SIRPG: variants seen among roughly 807,000 people sequenced by gnomAD.
The protein encoded by SIRPG is signal regulatory protein gamma, also known as signal-regulatory protein gamma.
SIRPG carries 38 observed loss-of-function variants against 35.7 expected under a neutral mutation model. That is an observed-to-expected ratio of 1.06 (90% CI 0.82 to 1.40). The LOEUF (loss-of-function observed/expected upper bound fraction) is 1.40. SIRPG is among the 40% of genes most tolerant of loss of function. SIRPG has a pLI of 0.00. For missense variants in SIRPG, 519 were observed against 483.0 expected, an observed-to-expected ratio of 1.07 and a Z score of -0.70; for synonymous variants, 215 against 190.4, an observed-to-expected ratio of 1.13 and a Z score of -1.06.
Position 1,636,220 on chromosome 20 carries a change from C to T in SIRPG, c.716G>A (p.Arg239His), listed in dbSNP as rs370463374. The change falls in exon 3 of 6, where the codon CGT becomes CAT. Residue 239 changes from arginine to histidine, a missense_variant. Transcript: ENST00000303415. The part of the protein sequence containing the change: ...AHVTLQGDPL[R>H]GTANLSEAIR... Reference sequence around the variant, plus strand: ...GGCCTCAGACAAGTTGGCAGTCCCACGAAGAGGGTCCCCCTGCAAGGTGAC... The same window carrying T: ...GGCCTCAGACAAGTTGGCAGTCCCATGAAGAGGGTCCCCCTGCAAGGTGAC... 31 of 1,614,124 alleles carry T rather than the reference C, an allele frequency of 1.9e-5. No homozygotes were observed. Among genetic ancestry groups the T allele is most frequent in the Admixed American group, 1.3e-4 (8 of 60,020 alleles).
intron 2 of SIRPG, 151 bp from the exon 3 acceptor site, chr20:1,636,656 G>T: frequency 9.9e-7 from 1 of 1,005,872 alleles, no homozygotes; most frequent in Non-Finnish European, 1.4e-6. Context: ...ATTTTACAGA[G>T]CAGGATGCAA....
intron 1 of SIRPG, among the ~76,000 whole-genome samples, chr20:1,657,239 G>C (rs1424110245): frequency 6.6e-6 from 1 of 152,198 alleles, no homozygotes; most frequent in Non-Finnish European, 1.5e-5. Context: ...TAGTTACTGA[G>C]TCTGTGGTGC....
chr20:1,674,218 T>A, the SIRPG span, among the ~76,000 whole-genome samples: 1 of 58,386 alleles, frequency 1.7e-5, no homozygotes, highest in South Asian at 6.0e-4. Flanking sequence ...TGGATTTAAA[T>A]TTTTTTTTTT....
At chr20:1,668,588 A>G in the SIRPG span, among the ~76,000 whole-genome samples, 1 of 152,170 alleles carries the variant, frequency 6.6e-6, no homozygotes, top group African/African-American at 2.4e-5. Flanking sequence ...AGCCTTTCAC[A>G]GGAATATTTT....
chr20:1,635,745 C>A, intron 3 of SIRPG, 146 bp from the exon 4 acceptor site: 1 of 855,920 alleles, frequency 1.2e-6, no homozygotes, highest in South Asian at 1.8e-5. Flanking sequence ...TGAGGGCGCT[C>A]TTTGCATATG....
chr20:1,663,307 G>A, the SIRPG span, among the ~76,000 whole-genome samples: 4 of 152,242 alleles, frequency 2.6e-5, no homozygotes, highest in East Asian at 1.9e-4. Flanking sequence ...GCAACAGAGC[G>A]AGACTCCATC....
At chr20:1,669,920 G>T in the SIRPG span, 4 of 201,312 alleles carry the variant, frequency 2.0e-5, no homozygotes, top group South Asian at 2.1e-4. Context: ...CTCACCAAGG[G>T]TGGCCTCTGA....
upstream of SIRPG, among the ~76,000 whole-genome samples, chr20:1,659,543 C>T (rs929560956): frequency 1.9e-4 from 29 of 152,302 alleles, 1 homozygote; most frequent in Admixed American, 1.2e-3. Context: ...AGATATGGTG[C>T]CAAGCATTTT....
At chr20:1,684,237 T>C in the SIRPG span, among the ~76,000 whole-genome samples, 1 of 152,242 alleles carries the variant, frequency 6.6e-6, no homozygotes, top group African/African-American at 2.4e-5. Flanking sequence ...AAATTAATCA[T>C]GTACACATAT....
chr20:1,659,327 T>C (rs1760060386), upstream of SIRPG, among the ~76,000 whole-genome samples: 1 of 152,260 alleles, frequency 6.6e-6, no homozygotes, highest in Admixed American at 6.5e-5. Flanking sequence ...AATGTTATCA[T>C]GTTTTAATTG....
intron 1 of SIRPG, among the ~76,000 whole-genome samples, chr20:1,653,448 C>T (rs2091954982): frequency 6.6e-6 from 1 of 152,120 alleles, no homozygotes; most frequent in South Asian, 2.1e-4. Flanking sequence ...GGCTTGGAGG[C>T]TTCAGTGGAC....
chr20:1,670,924 C>T, the SIRPG span: 3 of 330,272 alleles, frequency 9.1e-6, no homozygotes, highest in South Asian at 3.1e-5. Context: ...AAGAGGGTCC[C>T]CCTGTAAAGT....
At chr20:1,670,200 C>G in the SIRPG span, 1 of 262,844 alleles carries the variant, frequency 3.8e-6, no homozygotes, top group Non-Finnish European at 8.3e-6. Context: ...ACCTGGTTCC[C>G]TGCCTTTATG....
rs116436197 is a variant in SIRPG at position 1,631,149 on chromosome 20, G to A, written c.1082-843C>T. Among the ~76,000 whole-genome samples the A allele has an allele frequency of 8.7e-3, 1,325 of 152,206 alleles. 28 individuals are homozygous for A. The highest frequency in any genetic ancestry group is 0.03 in the African/African-American group (1,265 of 41,508). Reference sequence around the variant, plus strand: ...CAACATTTTTAACGCGAGCAGTTTGGGCCATTAAAGATATTACAGTATATT... The same window carrying A: ...CAACATTTTTAACGCGAGCAGTTTGAGCCATTAAAGATATTACAGTATATT... On this transcript the variant is annotated intron_variant, in intron 4 of 5. Coordinates refer to ENST00000303415, the MANE Select transcript of SIRPG (RefSeq NM_018556.4).
chr20:1,635,438 T>C lies in SIRPG; in HGVS notation c.910A>G (p.Lys304Glu), dbSNP rs1469609571. ...CTTGTCCAGTTGTAGGTACCATCCT[T>C]GTTCTCTGTAAGGGTCGAGGCTGTT... is the stretch of plus-strand genomic sequence containing the variant. ...RETASTLTEN[K>E]DGTYNWTSWF... is the part of the protein sequence containing the mutation. Residue 304 changes from lysine (K) to glutamate (E), a missense_variant, in exon 4 of 6, where the codon AAG becomes GAG. Coordinates refer to ENST00000303415, the MANE Select transcript of SIRPG (RefSeq NM_018556.4). 6.2e-7 allele frequency: 1 copy of C among 1,614,032 alleles called. No individual in the cohort carries two copies. Among genetic ancestry groups the C allele is most frequent in the Non-Finnish European group, 8.5e-7 (1 of 1,180,030 alleles).
chr20:1,657,261 A>G (rs976750967), intron 1 of SIRPG, among the ~76,000 whole-genome samples: 3 of 152,212 alleles, frequency 2.0e-5, no homozygotes, highest in African/African-American at 7.2e-5. Flanking sequence ...TTGTTGTGGA[A>G]GCCCTAAGAA....
chr20:1,650,846 A>T (rs1346736370), intron 1 of SIRPG, among the ~76,000 whole-genome samples: 9 of 152,242 alleles, frequency 5.9e-5, no homozygotes, highest in Non-Finnish European at 1.0e-4. Context: ...AATTCAAAGA[A>T]TCCTGAAAGC....
rs551831308 is a variant in SIRPG at position 1,654,360 on chromosome 20, A to T, written c.73+3282T>A. 1.2e-4 allele frequency among the ~76,000 whole-genome samples: 19 copies of T among 152,332 alleles called. No individual in the cohort carries two copies. In the South Asian group the frequency reaches 3.7e-3, roughly 30 times the overall value. ...TAAAAAGAGATATATAGACCAATGG[A>T]TCAGAGCAGAGAGCCCAGCAATAAA... On this transcript the variant is annotated intron_variant, in intron 1 of 5. Coordinates refer to ENST00000303415, the MANE Select transcript of SIRPG (RefSeq NM_018556.4).
chr20:1,634,997 C>T (rs1397029963), intron 4 of SIRPG, among the ~76,000 whole-genome samples: 2 of 151,494 alleles, frequency 1.3e-5, no homozygotes, highest in East Asian at 1.9e-4. Context: ...GAGCAGAGAT[C>T]GCGCCACTGC....
Sources: allele counts gnomAD v4.1 joint callset (sites outside exome capture counted in the v4.1 genomes callset), GRCh38; gene constraint gnomAD v4.1.1; transcripts MANE v1.5; gene names NCBI Gene and HGNC (gene_info 2026-07-23, HGNC 2026-07-21).